The following NRG3 variants were observed in gnomAD, a reference collection of about 807,000 sequenced individuals.
NRG3 encodes pro-neuregulin-3, membrane-bound isoform.
A neutral mutation model predicts 66.9 loss-of-function variants in NRG3; 31 were observed. The ratio of observed to expected loss-of-function variants is 0.46; its 90% CI spans 0.35 to 0.63. The LOEUF is 0.63. Ranked by LOEUF, NRG3 falls within the 20% of genes least tolerant of loss-of-function variation. The pLI is 0.00. For missense variants in NRG3, 910 were observed against 878.9 expected (o/e 1.04, Z -0.45); for synonymous variants, 393 against 359.4 (o/e 1.09, Z -1.06).
At chr10:82,166,792 T>C in intron 1 of NRG3, 1 of 683,766 alleles carries the variant, frequency 1.5e-6, no homozygotes, top group Non-Finnish European at 2.7e-6. Flanking sequence ...TTTCAAGTAG[T>C]GTGGGTCTGC....
chr10:81,996,465 A>T (rs2060943469), intron 1 of NRG3, among the ~76,000 whole-genome samples: 1 of 152,240 alleles, frequency 6.6e-6, no homozygotes, highest in African/African-American at 2.4e-5. Flanking sequence ...AAAAATTAAT[A>T]GCAATGCAAT....
chr10:82,251,942 G>GA (rs933962835), intron 1 of NRG3, among the ~76,000 whole-genome samples: 11 of 140 alleles, frequency 0.079, no homozygotes, highest in Admixed American at 0.36. Context: ...TGTGGGGTGA[G>GA]GGCATTGCCC....
At chr10:82,976,315 G>A (rs1027068001) in intron 7 of NRG3, among the ~76,000 whole-genome samples, 5 of 151,956 alleles carry the variant, frequency 3.3e-5, no homozygotes, top group Non-Finnish European at 4.4e-5. Flanking sequence ...CTCAGCCTCC[G>A]AAAGTGCTGG....
At chr10:82,668,987 T>C (rs2053027540) in intron 2 of NRG3, among the ~76,000 whole-genome samples, 1 of 152,148 alleles carries the variant, frequency 6.6e-6, no homozygotes, top group Non-Finnish European at 1.5e-5. Flanking sequence ...TTAAAGTCGG[T>C]AAATGCTCAA....
chr10:81,900,035 C>T lies in NRG3; in HGVS notation c.823+23872C>T, dbSNP rs962374860. 2.0e-5 allele frequency among the ~76,000 whole-genome samples: 3 copies of T among 151,694 alleles called. No homozygotes were observed. The East Asian group carries it at 5.8e-4, about 29-fold the overall frequency. ...CTTGTCGCCCAGGCTAGAATCTCCG[C>T]CTCCCGTGTCCAAATGATTCTCCGC... On this transcript the variant is annotated intron_variant, in intron 1 of 8. Coordinates refer to ENST00000372141, the MANE Select transcript of NRG3 (RefSeq NM_001010848.4).
At chr10:82,573,811 C>A (rs566628946) in intron 2 of NRG3, among the ~76,000 whole-genome samples, 1 of 151,876 alleles carries the variant, frequency 6.6e-6, no homozygotes, top group Non-Finnish European at 1.5e-5. Flanking sequence ...TTACCCAAGG[C>A]TTCCTGGGAG....
chr10:82,792,766 C>T (rs890212162), intron 3 of NRG3, among the ~76,000 whole-genome samples: 36 of 152,042 alleles, frequency 2.4e-4, no homozygotes, highest in Non-Finnish European at 5.0e-4. Flanking sequence ...CCGCAACCTC[C>T]ACCTCCTGAG....
chr10:82,976,151 G>A (rs1041087975), intron 7 of NRG3, among the ~76,000 whole-genome samples: 4 of 152,148 alleles, frequency 2.6e-5, no homozygotes, highest in African/African-American at 9.7e-5. Flanking sequence ...CAGCTCCTGA[G>A]TTCAAGGGAT....
intron 2 of NRG3, among the ~76,000 whole-genome samples, chr10:82,719,545 G>T (rs1335916872): frequency 1.3e-5 from 2 of 152,156 alleles, no homozygotes; most frequent in Admixed American, 1.3e-4. Context: ...TGGCCAGTAG[G>T]AAGCACTAAA....
intron 1 of NRG3, among the ~76,000 whole-genome samples, chr10:82,126,384 A>C (rs972691794): frequency 1.3e-5 from 2 of 152,102 alleles, no homozygotes; most frequent in African/African-American, 4.8e-5. Context: ...ATTTCATAGA[A>C]GCTGCAACAT....
chr10:82,009,722 G>C (rs1478343607), intron 1 of NRG3, among the ~76,000 whole-genome samples: 1 of 152,156 alleles, frequency 6.6e-6, no homozygotes, highest in Non-Finnish European at 1.5e-5. Context: ...CTTTCTAGGG[G>C]ACAATAATGG....
chr10:82,529,235 G>A (rs891989593), intron 2 of NRG3, among the ~76,000 whole-genome samples: 2 of 152,206 alleles, frequency 1.3e-5, no homozygotes, highest in Admixed American at 6.5e-5. Flanking sequence ...GTGGCTTCAG[G>A]TGTCTGTGGT....
At chr10:82,268,987 A>G (rs1163571736) in intron 1 of NRG3, among the ~76,000 whole-genome samples, 1 of 151,990 alleles carries the variant, frequency 6.6e-6, no homozygotes, top group African/African-American at 2.4e-5. Flanking sequence ...TCACTGTCAA[A>G]TTCTCTGAAA....
chr10:82,257,904 A>G (rs951522923), intron 1 of NRG3, among the ~76,000 whole-genome samples: 1 of 152,214 alleles, frequency 6.6e-6, no homozygotes, highest in African/African-American at 2.4e-5. Flanking sequence ...CTAAGTTTAA[A>G]TTCTACCCCT....
chr10:82,831,526 G>C (rs1013633433), intron 3 of NRG3, among the ~76,000 whole-genome samples: 2 of 152,196 alleles, frequency 1.3e-5, no homozygotes, highest in South Asian at 4.2e-4. Context: ...TTTTAATGAT[G>C]AAGTCTTGGC....
chr10:82,708,062 GT>G (rs537837479), intron 2 of NRG3, among the ~76,000 whole-genome samples: 17 of 152,022 alleles, frequency 1.1e-4, no homozygotes, highest in Admixed American at 7.2e-4. Context: ...AAAATTACAT[GT>G]TTGGGTACTG....
At chr10:82,412,195 A>G (rs570521647) in intron 2 of NRG3, among the ~76,000 whole-genome samples, 3 of 152,284 alleles carry the variant, frequency 2.0e-5, no homozygotes, top group Non-Finnish European at 4.4e-5. Flanking sequence ...GCAAATAATG[A>G]CAGGGAATTG....
At chr10:82,688,155 T>A (rs1418076941) in intron 2 of NRG3, among the ~76,000 whole-genome samples, 1 of 152,228 alleles carries the variant, frequency 6.6e-6, no homozygotes, top group Admixed American at 6.5e-5. Context: ...ATTGTTTGTA[T>A]CATTCCTCAG....
In NRG3 at chr10:82,985,156, T is replaced by C; in HGVS notation, c.1642T>C (p.Ser548Pro). Residue 548 changes from serine (S) to proline (P), a missense_variant, in exon 9 of 9, where the codon TCA becomes CCA. Ser to Pro is a moderately conservative substitution (Grantham distance 74). Coordinates refer to ENST00000372141, the MANE Select transcript of NRG3 (RefSeq NM_001010848.4). Reference sequence around the variant, plus strand: ...TACATCAATAAATATGCAACTGCCTTCAAGAGAGACAAACCCCTATTTTAA... The same window carrying C: ...TACATCAATAAATATGCAACTGCCTCCAAGAGAGACAAACCCCTATTTTAA... ...RNTSINMQLP[S>P]RETNPYFNSL... is the part of the protein sequence containing the mutation. 1 of 1,614,070 alleles carries C rather than the reference T, an allele frequency of 6.2e-7. No individual in the cohort carries two copies. The highest frequency in any genetic ancestry group is 2.2e-5 in the East Asian group (1 of 44,874).
Sources: allele counts gnomAD v4.1 joint callset (sites outside exome capture counted in the v4.1 genomes callset), GRCh38; gene constraint gnomAD v4.1.1; transcripts MANE v1.5; gene names NCBI Gene and HGNC (gene_info 2026-07-23, HGNC 2026-07-21).